The following STRAP variants were observed in gnomAD, a reference collection of about 807,000 sequenced individuals.
The protein encoded by STRAP is serine-threonine kinase receptor-associated protein.
In STRAP, 16 loss-of-function variants were observed where a neutral mutation model predicts 47.0. That is an observed-to-expected ratio of 0.34 (90% confidence interval 0.23 to 0.52). STRAP has a LOEUF of 0.52. Among genes scored for constraint, STRAP ranks in the 20% least tolerant of loss-of-function variants. STRAP has a pLI of 0.96. For missense variants in STRAP, 293 were observed against 420.0 expected (o/e 0.70, Z 2.64); for synonymous variants, 130 against 142.7 (o/e 0.91, Z 0.63).
chr12:15,899,656 C>G (rs1948087746), intron 7 of STRAP, among the ~76,000 whole-genome samples: 1 of 152,028 alleles, frequency 6.6e-6, no homozygotes, highest in Non-Finnish European at 1.5e-5. Context: ...AGACATGAAG[C>G]CTCATTTGCT....
At chr12:15,886,585 G>A (rs142952819) in intron 2 of STRAP, among the ~76,000 whole-genome samples, 1 of 152,226 alleles carries the variant, frequency 6.6e-6, no homozygotes, top group East Asian at 1.9e-4. Context: ...CTCAATAAAT[G>A]CTAGTTGAGA....
intron 6 of STRAP, among the ~76,000 whole-genome samples, chr12:15,895,775 A>G (rs1392874350): frequency 7.4e-6 from 1 of 134,702 alleles, no homozygotes; most frequent in Non-Finnish European, 1.5e-5. Context: ...TGAGTATTCT[A>G]TTGCTGGAGC....
intron 2 of STRAP, among the ~76,000 whole-genome samples, chr12:15,885,135 A>T (rs763315701): frequency 6.7e-6 from 1 of 150,152 alleles, no homozygotes; most frequent in Non-Finnish European, 1.5e-5. Context: ...ACTGTTGTGC[A>T]TACACAGATT....
At chr12:15,891,632 G>A (rs1029751058) in intron 4 of STRAP, among the ~76,000 whole-genome samples, 2 of 152,198 alleles carry the variant, frequency 1.3e-5, no homozygotes, top group Non-Finnish European at 2.9e-5. Flanking sequence ...GAATTGGTGG[G>A]ACAAAGAGGA....
chr12:15,887,830 CAAA>C lies in STRAP; in HGVS notation c.249-2089_249-2087del, dbSNP rs57651924. 7.2e-6 allele frequency among the ~76,000 whole-genome samples: 1 copy of C among 139,620 alleles called. No individual in the cohort carries two copies. The highest frequency in any genetic ancestry group is 1.6e-5 in the Non-Finnish European group (1 of 63,804). 91.6% of individuals were successfully genotyped at this position (139,620 alleles called of 152,430 possible). A position where few individuals can be genotyped will look rare whatever the true frequency, so the allele number is the denominator to read the frequency against. Reference sequence around the variant, plus strand: ...TGGGCAATATACCAAGATCCTGTCTCAAAAAAAAAAAGAGAGAGAGGTTTTAAG... The same window carrying C: ...TGGGCAATATACCAAGATCCTGTCTCAAAAAAAAGAGAGAGAGGTTTTAAG... On this transcript the variant is annotated intron_variant, in intron 2 of 9. Coordinates refer to ENST00000419869, the MANE Select transcript of STRAP (RefSeq NM_007178.4). This position sits in a 1 kb window ranked among gnomAD's most constrained non-coding sequence, Gnocchi z 5.5.
chr12:15,888,960 A>G (rs1947993587), intron 2 of STRAP, among the ~76,000 whole-genome samples: 1 of 152,110 alleles, frequency 6.6e-6, no homozygotes, highest in African/African-American at 2.4e-5. Context: ...TCCCTCTACC[A>G]TTTTATTGCC....
chr12:15,897,902 T>C lies in STRAP; in HGVS notation c.659T>C (p.Phe220Ser). Residue 220 changes from phenylalanine to serine, a missense_variant, in exon 7 of 10, where the codon TTT becomes TCT. Phe to Ser is a radical substitution (Grantham distance 155, BLOSUM62 -2). Around this residue, in one of 5 missense-constraint regions of STRAP, gnomAD observed 152 missense variants for 183.0 expected, o/e 0.83. Coordinates refer to ENST00000419869, the MANE Select transcript of STRAP (RefSeq NM_007178.4). ...SAVSLDPIKS[F>S]EAPATINSAS... is the part of the protein sequence containing the mutation. ...TTCAGTTTGGACCCAATTAAATCCT[T>C]TGAAGCTCCTGCAACCATCAATTCT... The C allele has an allele frequency of 1.9e-6, 3 of 1,556,390 alleles. No individual in the cohort carries two copies. Among genetic ancestry groups the C allele is most frequent in the Non-Finnish European group, 2.6e-6 (3 of 1,158,350 alleles).
At position 15,887,156 on chromosome 12, in the gene STRAP, A is replaced by G. The variant is rs1290466568; in HGVS notation, c.249-2772A>G. 6.6e-6 allele frequency among the ~76,000 whole-genome samples: 1 copy of G among 152,206 alleles called. No individual in the cohort carries two copies. Among genetic ancestry groups the G allele is most frequent in the Non-Finnish European group, 1.5e-5 (1 of 68,040 alleles). ...TTATCTCCTAGATGACTTGGTCAAC[A>G]TGTTAAGGTATTTGGGCAATTTTTT... On this transcript the variant is annotated intron_variant, in intron 2 of 9. Transcript: ENST00000419869. This position sits in a 1 kb window ranked among gnomAD's most constrained non-coding sequence, Gnocchi z 5.5.
chr12:15,899,410 A>G (rs1055374836), intron 7 of STRAP, among the ~76,000 whole-genome samples: 8 of 152,224 alleles, frequency 5.3e-5, no homozygotes, highest in African/African-American at 1.4e-4. Flanking sequence ...TTGTTGATCT[A>G]TATCTCACCT....
rs1419891811 is a variant in STRAP, at chr12:15,900,927, C to A, written c.926-20C>A. On this transcript the variant is annotated intron_variant, in intron 8 of 9. Transcript: ENST00000419869. ...TTAATAGTGTAAGTCATATAATCGT[C>A]ATTGCTTTTCTTTTTACAGAAGAAG... is the stretch of plus-strand genomic sequence containing the variant. 1.3e-6 allele frequency: 2 copies of A among 1,570,778 alleles called. No individual in the cohort carries two copies. Among genetic ancestry groups the A allele is most frequent in the Non-Finnish European group, 1.7e-6 (2 of 1,161,028 alleles).
intron 2 of STRAP, among the ~76,000 whole-genome samples, chr12:15,885,935 A>G (rs754168533): frequency 2.6e-5 from 4 of 152,226 alleles, no homozygotes; most frequent in Non-Finnish European, 5.9e-5. Flanking sequence ...CATGTAAACT[A>G]TCACCACCCG....
chr12:15,886,016 A>G (rs1166301570), intron 2 of STRAP, among the ~76,000 whole-genome samples: 1 of 152,154 alleles, frequency 6.6e-6, no homozygotes, highest in Non-Finnish European at 1.5e-5. Flanking sequence ...GGCCTCATAT[A>G]AGGAAGATTG....
At position 15,883,393 on chromosome 12, in the gene STRAP, CCT is replaced by C. The variant is rs1187485942; in HGVS notation, c.113-147_113-146del. ...TTCAGTTAATTTATTACTGCACATTCCTTAGTGCCTTCAGTGGGTGGTGGTAG... is the reference window on the plus strand; with the variant it reads ...TTCAGTTAATTTATTACTGCACATTCTAGTGCCTTCAGTGGGTGGTGGTAG... On this transcript the variant is annotated intron_variant, in intron 1 of 9. Transcript: ENST00000419869. 3.4e-6 allele frequency: 3 copies of C among 885,320 alleles called. No individual in the cohort carries two copies. The African/African-American group carries it at 5.1e-5, about 15-fold the overall frequency. The allele number at this position is 885,320 out of a possible 1,614,324, so 54.8% of individuals were successfully genotyped here.
intron 8 of STRAP, among the ~76,000 whole-genome samples, chr12:15,900,551 A>C (rs1236587956): frequency 6.6e-6 from 1 of 152,078 alleles, no homozygotes; most frequent in African/African-American, 2.4e-5. Flanking sequence ...TTTGTTGTAC[A>C]ATCTAGTCTG....
At chr12:15,901,476 T>G (rs1380477376) in intron 9 of STRAP, among the ~76,000 whole-genome samples, 1 of 152,110 alleles carries the variant, frequency 6.6e-6, no homozygotes, top group Admixed American at 6.5e-5. Flanking sequence ...GCATAGCATA[T>G]GAGGAACTAA....
chr12:15,899,350 A>C (rs555397116), intron 7 of STRAP, among the ~76,000 whole-genome samples: 1 of 152,342 alleles, frequency 6.6e-6, no homozygotes, highest in African/African-American at 2.4e-5. Flanking sequence ...AGTGCTCCTA[A>C]TCTATACATT....
At chr12:15,888,262 A>T (rs1290296378) in intron 2 of STRAP, among the ~76,000 whole-genome samples, 1 of 152,244 alleles carries the variant, frequency 6.6e-6, no homozygotes, top group East Asian at 1.9e-4. Flanking sequence ...ACAAGAACAT[A>T]GGAGCCTGGA....
intron 2 of STRAP, 64 bp from the exon 3 acceptor site, chr12:15,889,864 G>A (rs1948000387): frequency 7.7e-7 from 1 of 1,302,856 alleles, no homozygotes; most frequent in Non-Finnish European, 1.1e-6. Flanking sequence ...TATTATAATT[G>A]TATTTATCCT....
In STRAP at chr12:15,894,224, C is replaced by T. The variant is rs971387657; in HGVS notation, c.500+81C>T. 2.0e-5 allele frequency: 22 copies of T among 1,106,480 alleles called. No individual in the cohort carries two copies. The highest frequency in any genetic ancestry group is 6.1e-4 in the Middle Eastern group (2 of 3,282). 68.5% of individuals were successfully genotyped at this position (1,106,480 alleles called of 1,614,324 possible). Reference sequence around the variant, plus strand: ...CCTATAATCTCAGCACTTTGGGAGGCGAGCCGGGTGGATCATTAGAGGTCA... The same window carrying T: ...CCTATAATCTCAGCACTTTGGGAGGTGAGCCGGGTGGATCATTAGAGGTCA... On this transcript the variant is annotated intron_variant, in intron 5 of 9. Coordinates refer to ENST00000419869, the MANE Select transcript of STRAP (RefSeq NM_007178.4). This position sits in a 1 kb window ranked among gnomAD's most constrained non-coding sequence, Gnocchi z 4.9.
Sources: gnomAD v4.1 joint callset for allele counts (sites outside exome capture counted in the v4.1 genomes callset) on GRCh38, gnomAD v4.1.1 for gene constraint, gnomAD v4.1.1 regional missense constraint, Gnocchi (gnomAD v3.1) non-coding constraint, MANE v1.5 for transcripts, NCBI Gene and HGNC (gene_info 2026-07-23, HGNC 2026-07-21) for gene names.